Variants in RBL2 observed in about 807,000 individuals in gnomAD.
RBL2 encodes retinoblastoma-like protein 2.
In RBL2, 56 loss-of-function variants were observed where a neutral mutation model predicts 126.0. The ratio of observed to expected loss-of-function variants is 0.44; its 90% CI spans 0.36 to 0.56. The LOEUF is 0.56. Among genes scored for constraint, RBL2 ranks in the 20% least tolerant of loss-of-function variants. RBL2 has a pLI of 0.00. For synonymous variants in RBL2, 454 were observed against 478.5 expected (o/e 0.95, Z 0.67); for missense variants, 1,229 against 1,398.2 (o/e 0.88, Z 1.93).
In RBL2 at chr16:53,464,266, C is replaced by T; in HGVS notation, c.1601C>T (p.Ala534Val). 1 of 1,604,670 alleles carries T rather than the reference C, an allele frequency of 6.2e-7. No homozygotes were observed. The highest frequency in any genetic ancestry group is 1.3e-5 in the African/African-American group (1 of 74,728). The change falls in exon 12 of 22, where the codon GCC becomes GTC. Residue 534 changes from alanine to valine, a missense_variant. Ala to Val is a moderately conservative substitution (Grantham distance 64, BLOSUM62 0). This residue lies in a region of RBL2 where 1,070 missense variants were observed against 1,274.3 expected (regional missense o/e 0.84). Transcript: ENST00000262133. ...GATGCGTTCCACAGATCTCTCTTGGCCTGCTGCCTTGAGGTCGTCACTTTT... is the reference window on the plus strand; with the variant it reads ...GATGCGTTCCACAGATCTCTCTTGGTCTGCTGCCTTGAGGTCGTCACTTTT... ...EQDAFHRSLL[A>V]CCLEVVTFSY...
At chr16:53,437,872 A>G (rs531965738) in intron 1 of RBL2, among the ~76,000 whole-genome samples, 27 of 151,996 alleles carry the variant, frequency 1.8e-4, no homozygotes, top group African/African-American at 6.0e-4. Flanking sequence ...CTAAAAATAC[A>G]AAAAATTAGC....
chr16:53,479,061 C>T lies in RBL2; in HGVS notation c.2704-93C>T, dbSNP rs1960840485. On this transcript the variant is annotated intron_variant, in intron 17 of 21. Coordinates refer to ENST00000262133, the MANE Select transcript of RBL2 (RefSeq NM_005611.4). ...CTTTAAATAGCTTTTATATAATTTT[C>T]ACCCCTTTTACTGGGCAGCAGGTTC... The T allele has an allele frequency of 5.3e-6, 5 of 942,570 alleles. No homozygotes were observed. The Admixed American group carries it at 7.9e-5, about 15-fold the overall frequency. 58.4% of individuals were successfully genotyped at this position (942,570 alleles called of 1,614,324 possible).
intron 21 of RBL2, among the ~76,000 whole-genome samples, chr16:53,486,814 C>A (rs1295390451): frequency 1.3e-5 from 2 of 152,070 alleles, no homozygotes; most frequent in Admixed American, 1.3e-4. Context: ...GGATTGTCTA[C>A]ATAGGAAAAT....
intron 21 of RBL2, chr16:53,488,593 CAAG>C (rs1351784399): frequency 6.6e-6 from 1 of 152,074 alleles, no homozygotes; most frequent in Non-Finnish European, 1.5e-5. Flanking sequence ...TATTACAAAG[CAAG>C]AAGTAGCTTA....
At chr16:53,479,112 G>T (rs766141125) in intron 17 of RBL2, 42 bp from the exon 18 acceptor site, 11 of 1,477,230 alleles carry the variant, frequency 7.4e-6, no homozygotes, top group Non-Finnish European at 1.0e-5. Flanking sequence ...CTATTATGGT[G>T]GTAGTTGCCA....
chr16:53,471,156 A>C (rs1567741709), intron 17 of RBL2, among the ~76,000 whole-genome samples: 1 of 152,212 alleles, frequency 6.6e-6, no homozygotes, highest in African/African-American at 2.4e-5. Context: ...TAGCTAATGT[A>C]TATTTTAGTT....
Position 53,456,176 on chromosome 16 carries a change from TA to T in RBL2, c.1179+1343del, listed in dbSNP as rs1203511353. ...GGGTGACAGAGCAAGAGCCTGTCTT[TA>T]AAAAAAAAGAAAAGAAGAAGAAAAA... is the stretch of plus-strand genomic sequence containing the variant. On this transcript the variant is annotated intron_variant, in intron 8 of 21. Transcript: ENST00000262133. Among the ~76,000 whole-genome samples, 7 of 108,624 alleles carry T rather than the reference TA, an allele frequency of 6.4e-5. No homozygotes were observed. In the East Asian group the frequency reaches 1.4e-3, roughly 22 times the overall value. 71.3% of individuals were successfully genotyped at this position (108,624 alleles called of 152,430 possible). A position where few individuals can be genotyped will look rare whatever the true frequency, so the allele number is the denominator to read the frequency against.
intron 21 of RBL2, among the ~76,000 whole-genome samples, chr16:53,485,007 A>AT (rs1961106774): frequency 6.6e-6 from 1 of 151,744 alleles, no homozygotes; most frequent in Non-Finnish European, 1.5e-5. Flanking sequence ...CCCTAAATAA[A>AT]AAAAAAAAAC....
intron 19 of RBL2, chr16:53,480,251 T>C (rs1330544103): frequency 3.8e-6 from 2 of 529,058 alleles, no homozygotes; most frequent in African/African-American, 1.9e-5. Context: ...AGGTCTGATA[T>C]GTCAATTGGA....
At position 53,459,468 on chromosome 16, in the gene RBL2, C is replaced by G. The variant is rs375243446; in HGVS notation, c.1197C>G (p.Ile399Met). ...TTCTTTAGTCCAAAGCACTTAGAAT[C>G]TCCACACCACTAACTGGTGTTAGGT... ...QHFDKSKALR[I>M]STPLTGVRYI... The change falls in exon 9 of 22, where the codon ATC becomes ATG. Residue 399 changes from isoleucine (I) to methionine (M), a missense_variant. Physicochemically the swap from Ile to Met is conservative, Grantham distance 10. Transcript: ENST00000262133. 4 of 1,612,306 alleles carry G rather than the reference C, an allele frequency of 2.5e-6. No individual in the cohort carries two copies. The African/African-American group carries it at 4.0e-5, about 16-fold the overall frequency.
intron 21 of RBL2, among the ~76,000 whole-genome samples, chr16:53,484,615 A>ATGAG (rs1227384582): frequency 6.6e-6 from 1 of 152,252 alleles, no homozygotes; most frequent in East Asian, 1.9e-4. Context: ...TTCCATTTAT[A>ATGAG]TGAGTTGTCC....
chr16:53,478,888 C>T, intron 17 of RBL2: 1 of 351,052 alleles, frequency 2.8e-6, no homozygotes, highest in Non-Finnish European at 5.2e-6. Context: ...TCCCAAAGTG[C>T]TGGGATTACA....
chr16:53,440,288 A>T (rs1352377415), intron 2 of RBL2, among the ~76,000 whole-genome samples: 2 of 152,208 alleles, frequency 1.3e-5, no homozygotes, highest in African/African-American at 2.4e-5. Context: ...ACTCCATCTC[A>T]AAACAAATAA....
intron 14 of RBL2, among the ~76,000 whole-genome samples, chr16:53,467,885 G>A (rs1474200978): frequency 6.6e-6 from 1 of 152,184 alleles, no homozygotes; most frequent in Non-Finnish European, 1.5e-5. Flanking sequence ...TAAAGATAGA[G>A]CTGCATGATC....
intron 2 of RBL2, among the ~76,000 whole-genome samples, chr16:53,440,148 T>C (rs2058001328): frequency 6.6e-6 from 1 of 151,676 alleles, no homozygotes; most frequent in Non-Finnish European, 1.5e-5. Context: ...ATACAAAAAT[T>C]AGCCGAGTGT....
rs1010854027 is a variant in RBL2, at chr16:53,470,608, C to T, written c.2471C>T (p.Thr824Ile). 1 of 1,614,086 alleles carries T rather than the reference C, an allele frequency of 6.2e-7. No homozygotes were observed. The highest frequency in any genetic ancestry group is 8.5e-7 in the Non-Finnish European group (1 of 1,180,046). ...CAGCAGAAGCAAGGCCAGTCTGTAACCAGCAGTAGTAATAGACCCAGGAAG... is the reference window on the plus strand; with the variant it reads ...CAGCAGAAGCAAGGCCAGTCTGTAATCAGCAGTAGTAATAGACCCAGGAAG... ...GQQQKQGQSV[T>I]SSSNRPRKTS... Residue 824 changes from threonine to isoleucine, a missense_variant, in exon 16 of 22, where the codon ACC (threonine) becomes ATC (isoleucine). Physicochemically the swap from Thr to Ile is moderately conservative, Grantham distance 89. Coordinates refer to ENST00000262133, the MANE Select transcript of RBL2 (RefSeq NM_005611.4).
At chr16:53,472,598 A>G (rs1020883546) in intron 17 of RBL2, among the ~76,000 whole-genome samples, 2 of 152,108 alleles carry the variant, frequency 1.3e-5, no homozygotes, top group East Asian at 3.8e-4. Flanking sequence ...AAATTATGTT[A>G]TTATTGAGTT....
At chr16:53,469,393 A>G (rs1310057409) in intron 14 of RBL2, among the ~76,000 whole-genome samples, 3 of 151,534 alleles carry the variant, frequency 2.0e-5, no homozygotes, top group African/African-American at 7.4e-5. Context: ...GAGTTTTAAT[A>G]ATTTTTTATA....
intron 8 of RBL2, among the ~76,000 whole-genome samples, chr16:53,456,168 C>A (rs1004188770): frequency 7.1e-6 from 1 of 141,786 alleles, no homozygotes; most frequent in Admixed American, 7.0e-5. Flanking sequence ...AGAGCAAGAG[C>A]CTGTCTTTAA....
Sources: allele counts gnomAD v4.1 joint callset (sites outside exome capture counted in the v4.1 genomes callset), GRCh38; gene constraint gnomAD v4.1.1; regional missense constraint gnomAD v4.1.1; transcripts MANE v1.5; gene names NCBI Gene and HGNC (gene_info 2026-07-23, HGNC 2026-07-21).